ASXL3: variants seen among roughly 807,000 people sequenced by gnomAD.
ASXL3 encodes the protein ASXL transcriptional regulator 3.
A neutral mutation model predicts 170.6 loss-of-function variants in ASXL3; 34 were observed. That is an observed-to-expected ratio of 0.20 (90% CI 0.15 to 0.27). ASXL3 has a LOEUF of 0.27. ASXL3 is among the 10% of genes least tolerant of loss of function. The probability of loss-of-function intolerance (pLI) is 1.00; values close to 1 mark genes in which losing one functional copy is unlikely to be tolerated. For synonymous variants in ASXL3, 1,002 were observed against 989.1 expected (o/e 1.01, Z -0.24); for missense variants, 2,592 against 2,695.3 (o/e 0.96, Z 0.85).
chr18:33,646,466 T>C (rs1318049842), intron 4 of ASXL3, 113 bp downstream of exon 4: 3 of 691,774 alleles, frequency 4.3e-6, no homozygotes, highest in Non-Finnish European at 2.3e-6. Context: ...TTCTTCTAAA[T>C]TTTTACCGCT....
At chr18:33,741,451 A>G (rs1178390549) in intron 11 of ASXL3, among the ~76,000 whole-genome samples, 3 of 152,180 alleles carry the variant, frequency 2.0e-5, no homozygotes. Context: ...AAAAAGGTAA[A>G]TACTACAAGA....
At chr18:33,631,429 T>C (rs1344132144) in intron 2 of ASXL3, among the ~76,000 whole-genome samples, 2 of 152,084 alleles carry the variant, frequency 1.3e-5, no homozygotes, top group Non-Finnish European at 2.9e-5. Flanking sequence ...GTCTTGCTTA[T>C]ATACTGCTGG....
chr18:33,725,619 T>C (rs570275134), intron 8 of ASXL3, among the ~76,000 whole-genome samples: 1 of 152,320 alleles, frequency 6.6e-6, no homozygotes, highest in African/African-American at 2.4e-5. Flanking sequence ...AAACAATATT[T>C]ACCATTGAGC....
intron 2 of ASXL3, among the ~76,000 whole-genome samples, chr18:33,613,751 G>T (rs1005432471): frequency 6.6e-6 from 1 of 152,038 alleles, no homozygotes; most frequent in African/African-American, 2.4e-5. Context: ...AACAGACCCT[G>T]TTTCTATAAA....
intron 8 of ASXL3, 120 bp from the exon 9 acceptor site, chr18:33,731,848 C>T (rs1165690609): frequency 3.1e-6 from 2 of 649,322 alleles, no homozygotes; most frequent in Admixed American, 3.0e-5. Flanking sequence ...TGTCTCCTTC[C>T]CCCTTCCTCC....
At chr18:33,608,559 G>A (rs1479833853) in intron 2 of ASXL3, among the ~76,000 whole-genome samples, 2 of 151,924 alleles carry the variant, frequency 1.3e-5, no homozygotes, top group Non-Finnish European at 2.9e-5. Flanking sequence ...GGGCCATATA[G>A]ATGATACTAC....
chr18:33,589,298 A>T (rs1275782612), intron 1 of ASXL3, among the ~76,000 whole-genome samples: 1 of 152,208 alleles, frequency 6.6e-6, no homozygotes, highest in Non-Finnish European at 1.5e-5. Context: ...ACGTTATAAG[A>T]TGCCAGTTAA....
Position 33,738,708 on chromosome 18 carries a change from C to G in ASXL3, c.1304C>G (p.Ala435Gly). ...GAAATTCCACCTAAAGATATAATGG[C>G]AGAATTGGAGTCAGAGGATATCTTG... ...MVEIPPKDIM[A>G]ELESEDILIP... The change falls in exon 11 of 12, where the codon GCA becomes GGA. Residue 435 changes from alanine (A) to glycine (G), a missense_variant. Transcript: ENST00000269197. 6.2e-7 allele frequency: 1 copy of G among 1,613,906 alleles called. No individual in the cohort carries two copies. Among genetic ancestry groups the G allele is most frequent in the South Asian group, 1.1e-5 (1 of 91,074 alleles).
chr18:33,652,026 A>G (rs372630137), intron 4 of ASXL3, among the ~76,000 whole-genome samples: 4 of 152,098 alleles, frequency 2.6e-5, no homozygotes, highest in African/African-American at 7.2e-5. Context: ...TTGAGAATGT[A>G]AACTTCACAT....
intron 1 of ASXL3, among the ~76,000 whole-genome samples, chr18:33,602,099 G>C (rs1406552746): frequency 6.6e-6 from 1 of 151,824 alleles, no homozygotes; most frequent in African/African-American, 2.4e-5. Flanking sequence ...ACCACGTCTG[G>C]GCTGATTGTT....
chr18:33,588,428 T>C (rs1454044096), intron 1 of ASXL3, among the ~76,000 whole-genome samples: 4 of 151,558 alleles, frequency 2.6e-5, no homozygotes, highest in African/African-American at 9.7e-5. Flanking sequence ...TGAGGCCTGA[T>C]AAATAGGGAT....
At chr18:33,696,580 G>A (rs569969519) in intron 8 of ASXL3, among the ~76,000 whole-genome samples, 1 of 152,184 alleles carries the variant, frequency 6.6e-6, no homozygotes, top group East Asian at 1.9e-4. Context: ...GAAACTCTGT[G>A]GGATGTGACT....
intron 8 of ASXL3, among the ~76,000 whole-genome samples, chr18:33,713,270 T>TTTTTTTTTTC (rs1176400808): frequency 8.2e-6 from 1 of 122,306 alleles, no homozygotes; most frequent in Admixed American, 8.6e-5. Flanking sequence ...TTTTTTTTTT[T>TTTTTTTTTTC]TTTTGAGACA....
intron 7 of ASXL3, among the ~76,000 whole-genome samples, chr18:33,678,807 G>A (rs145551443): frequency 1.3e-5 from 2 of 152,240 alleles, no homozygotes; most frequent in East Asian, 1.9e-4. Flanking sequence ...AAGAGTACAC[G>A]TGTAAGGATA....
At chr18:33,678,592 T>G (rs1217022917) in intron 7 of ASXL3, among the ~76,000 whole-genome samples, 3 of 152,238 alleles carry the variant, frequency 2.0e-5, no homozygotes, top group African/African-American at 7.2e-5. Flanking sequence ...GTCAGGTGTC[T>G]TCTTGTATAG....
chr18:33,628,095 A>G (rs1317871993), intron 2 of ASXL3, among the ~76,000 whole-genome samples: 1 of 152,170 alleles, frequency 6.6e-6, no homozygotes, highest in Non-Finnish European at 1.5e-5. Flanking sequence ...CACTGAGCCA[A>G]GCAGTTTCTA....
At position 33,618,159 on chromosome 18, in the gene ASXL3, A is replaced by G. The variant is rs138704970; in HGVS notation, c.137+10483A>G. Among the ~76,000 whole-genome samples, 6 of 152,310 alleles carry G rather than the reference A, an allele frequency of 3.9e-5. No individual in the cohort carries two copies. In the East Asian group the frequency reaches 9.6e-4, roughly 24 times the overall value. ...GTTTTTCTAAAAGCAATAGCACATAATTCTTAAAAATAAGTCTTAGTTCTT... is the reference window on the plus strand; with the variant it reads ...GTTTTTCTAAAAGCAATAGCACATAGTTCTTAAAAATAAGTCTTAGTTCTT... On this transcript the variant is annotated intron_variant, in intron 2 of 11. Coordinates refer to ENST00000269197, the MANE Select transcript of ASXL3 (RefSeq NM_030632.3).
chr18:33,697,008 A>G (rs954505470), intron 8 of ASXL3, among the ~76,000 whole-genome samples: 1 of 152,154 alleles, frequency 6.6e-6, no homozygotes, highest in African/African-American at 2.4e-5. Context: ...CAGGGTCAAC[A>G]GAGTTTCTGA....
At chr18:33,687,136 A>T (rs1227550797) in intron 8 of ASXL3, among the ~76,000 whole-genome samples, 2 of 152,202 alleles carry the variant, frequency 1.3e-5, no homozygotes, top group East Asian at 3.9e-4. Context: ...AGAGTAACTT[A>T]AGAAAGAGAA....
Sources: allele counts gnomAD v4.1 joint callset (sites outside exome capture counted in the v4.1 genomes callset), GRCh38; gene constraint gnomAD v4.1.1; transcripts MANE v1.5; gene names NCBI Gene and HGNC (gene_info 2026-07-23, HGNC 2026-07-21).